PPP3CA: variants seen among roughly 807,000 people sequenced by gnomAD.
PPP3CA encodes protein phosphatase 3 catalytic subunit alpha.
PPP3CA carries 14 observed loss-of-function variants against 66.5 expected under a neutral mutation model. That is an observed-to-expected ratio of 0.21 (90% confidence interval 0.14 to 0.33). The LOEUF (loss-of-function observed/expected upper bound fraction) is 0.33. Among genes scored for constraint, PPP3CA ranks in the 10% least tolerant of loss-of-function variants. PPP3CA has a pLI of 1.00. For synonymous variants in PPP3CA, 232 were observed against 226.2 expected, an observed-to-expected ratio of 1.03 and a Z score of -0.23; for missense variants, 317 against 639.5, an observed-to-expected ratio of 0.50 and a Z score of 5.44.
At chr4:101,332,154 A>T (rs897390624) in intron 1 of PPP3CA, among the ~76,000 whole-genome samples, 3 of 152,188 alleles carry the variant, frequency 2.0e-5, no homozygotes, top group African/African-American at 7.2e-5. Flanking sequence ...GAGAACAGAC[A>T]TCCAACTGTA....
At chr4:101,291,402 C>A (rs1165542613) in intron 1 of PPP3CA, among the ~76,000 whole-genome samples, 1 of 152,194 alleles carries the variant, frequency 6.6e-6, no homozygotes, top group Non-Finnish European at 1.5e-5. Context: ...GCCTTCCCAA[C>A]ACATGGTATG....
chr4:101,334,890 TA>T lies in PPP3CA; in HGVS notation c.58+11848del, dbSNP rs539782029. Among the ~76,000 whole-genome samples the T allele has an allele frequency of 6.0e-5, 9 of 151,122 alleles. No homozygotes were observed. In the East Asian group the frequency reaches 7.8e-4, roughly 13 times the overall value. On this transcript the variant is annotated intron_variant, in intron 1 of 13. Coordinates refer to ENST00000394854, the MANE Select transcript of PPP3CA (RefSeq NM_000944.5). ...AAATCCAGATTCTAATGAACCACTA[TA>T]AAAAAAAATGTTCAGGGAAATACAC...
At chr4:101,041,790 G>T (rs1363876654) in intron 10 of PPP3CA, among the ~76,000 whole-genome samples, 1 of 151,886 alleles carries the variant, frequency 6.6e-6, no homozygotes, top group Non-Finnish European at 1.5e-5. Context: ...TCATTATGTG[G>T]GATTTTATAG....
At chr4:101,091,938 C>G (rs1039695797) in intron 6 of PPP3CA, among the ~76,000 whole-genome samples, 9 of 151,610 alleles carry the variant, frequency 5.9e-5, no homozygotes, top group African/African-American at 2.2e-4. Flanking sequence ...AAATTCTCAT[C>G]TTCTTCATAA....
At chr4:101,026,169 C>A in intron 13 of PPP3CA, 108 bp from the exon 14 acceptor site, 1 of 917,366 alleles carries the variant, frequency 1.1e-6, no homozygotes. Flanking sequence ...AGAGGGAATC[C>A]TTCAGTGAAG....
intron 7 of PPP3CA, among the ~76,000 whole-genome samples, chr4:101,081,654 A>G (rs1729444958): frequency 6.6e-6 from 1 of 152,198 alleles, no homozygotes; most frequent in Non-Finnish European, 1.5e-5. Context: ...TAATATAGTT[A>G]GGTTCTAAAA....
At chr4:101,049,459 A>G (rs1727916276) in intron 10 of PPP3CA, among the ~76,000 whole-genome samples, 1 of 152,142 alleles carries the variant, frequency 6.6e-6, no homozygotes, top group East Asian at 1.9e-4. Flanking sequence ...TTATAAAGTA[A>G]TAACAGAAAA....
chr4:101,178,410 C>G (rs1724131511), intron 2 of PPP3CA, among the ~76,000 whole-genome samples: 1 of 151,974 alleles, frequency 6.6e-6, no homozygotes, highest in Non-Finnish European at 1.5e-5. Flanking sequence ...AAAATCTGCT[C>G]CAAAAAAGAC....
At chr4:101,110,220 A>G (rs1237262947) in intron 2 of PPP3CA, among the ~76,000 whole-genome samples, 3 of 152,220 alleles carry the variant, frequency 2.0e-5, no homozygotes, top group African/African-American at 7.2e-5. Flanking sequence ...ATAAGAAATC[A>G]GGAGGCCAAA....
intron 8 of PPP3CA, among the ~76,000 whole-genome samples, chr4:101,076,605 G>C (rs1729203249): frequency 6.6e-6 from 1 of 152,104 alleles, no homozygotes; most frequent in Non-Finnish European, 1.5e-5. Flanking sequence ...CAAATATTTT[G>C]GATAGAAATA....
intron 2 of PPP3CA, among the ~76,000 whole-genome samples, chr4:101,165,428 A>G (rs1723663207): frequency 6.6e-6 from 1 of 152,098 alleles, no homozygotes; most frequent in Non-Finnish European, 1.5e-5. Context: ...TCTTTAAGAC[A>G]GATTCAGACA....
chr4:101,072,956 A>T (rs945988291), intron 8 of PPP3CA, among the ~76,000 whole-genome samples: 5 of 148,194 alleles, frequency 3.4e-5, no homozygotes, highest in African/African-American at 5.0e-5. Flanking sequence ...AAAAAAAATT[A>T]TATATATATA....
At chr4:101,257,335 T>G (rs1726877307) in intron 1 of PPP3CA, among the ~76,000 whole-genome samples, 1 of 151,716 alleles carries the variant, frequency 6.6e-6, no homozygotes, top group Non-Finnish European at 1.5e-5. Context: ...TGAGACTTTT[T>G]TTTTTTTTTT....
intron 11 of PPP3CA, among the ~76,000 whole-genome samples, chr4:101,032,956 A>T (rs555969367): frequency 8.6e-5 from 13 of 150,404 alleles, no homozygotes; most frequent in Admixed American, 4.0e-4. Context: ...AATTTCCCAG[A>T]TTTTTTTTTT....
chr4:101,296,016 T>A (rs1048326534), intron 1 of PPP3CA, among the ~76,000 whole-genome samples: 3 of 152,028 alleles, frequency 2.0e-5, no homozygotes, highest in African/African-American at 7.3e-5. Context: ...AAGCTGGAGT[T>A]GTTGTTGTTG....
chr4:101,161,613 G>A (rs1034052094), intron 2 of PPP3CA, among the ~76,000 whole-genome samples: 5 of 152,190 alleles, frequency 3.3e-5, no homozygotes, highest in South Asian at 2.1e-4. Context: ...AAAAATGCTC[G>A]GTTGGCAATT....
chr4:101,233,803 T>TA (rs1469747348), intron 1 of PPP3CA, among the ~76,000 whole-genome samples: 1 of 151,600 alleles, frequency 6.6e-6, no homozygotes, highest in Non-Finnish European at 1.5e-5. Flanking sequence ...GGTAAACTCA[T>TA]GTCACGAAGG....
intron 8 of PPP3CA, among the ~76,000 whole-genome samples, chr4:101,066,050 G>C (rs1728665973): frequency 6.6e-6 from 1 of 152,010 alleles, no homozygotes; most frequent in African/African-American, 2.4e-5. Flanking sequence ...CCTCAAAAGT[G>C]GTTCTTATCA....
At chr4:101,119,844 C>G (rs1172154233) in intron 2 of PPP3CA, among the ~76,000 whole-genome samples, 1 of 151,990 alleles carries the variant, frequency 6.6e-6, no homozygotes, top group Admixed American at 6.6e-5. Flanking sequence ...CTAGTAAGTG[C>G]TATTCTTATA....
Sources: allele counts gnomAD v4.1 joint callset (sites outside exome capture counted in the v4.1 genomes callset), GRCh38; gene constraint gnomAD v4.1.1; transcripts MANE v1.5; gene names NCBI Gene and HGNC (gene_info 2026-07-23, HGNC 2026-07-21).